STK38: variants seen among roughly 807,000 people sequenced by gnomAD.
STK38 encodes serine/threonine kinase 38.
STK38 carries 26 observed loss-of-function variants against 59.0 expected under a neutral mutation model. The ratio of observed to expected loss-of-function variants is 0.44; its 90% CI spans 0.32 to 0.61. The LOEUF is 0.61. Ranked by LOEUF, STK38 falls within the 20% of genes least tolerant of loss-of-function variation. The pLI is 0.04. For missense variants in STK38, 433 were observed against 566.0 expected (o/e 0.76, Z 2.38); for synonymous variants, 175 against 176.6 (o/e 0.99, Z 0.07).
intron 2 of STK38, among the ~76,000 whole-genome samples, chr6:36,527,255 T>C (rs543297501): frequency 2.1e-5 from 3 of 146,014 alleles, no homozygotes; most frequent in South Asian, 4.2e-4. Flanking sequence ...CATGTATACA[T>C]ATGTATATAT....
At chr6:36,500,491 G>A (rs1462366095) in intron 9 of STK38, among the ~76,000 whole-genome samples, 1 of 152,084 alleles carries the variant, frequency 6.6e-6, no homozygotes, top group Admixed American at 6.6e-5. Flanking sequence ...GCCGGGAGTG[G>A]TGGTTCACGC....
intron 2 of STK38, among the ~76,000 whole-genome samples, chr6:36,534,789 C>T (rs1777747571): frequency 7.1e-6 from 1 of 141,694 alleles, no homozygotes; most frequent in Non-Finnish European, 1.5e-5. Context: ...TCCACTCCCA[C>T]TACTTCTATT....
intron 4 of STK38, among the ~76,000 whole-genome samples, chr6:36,522,876 A>AAAAAAAAAG (rs774099487): frequency 1.4e-3 from 137 of 98,826 alleles, no homozygotes; most frequent in Non-Finnish European, 1.7e-3. Flanking sequence ...AAAAAAAAAA[A>AAAAAAAAAG]AAGAAGAAGA....
chr6:36,511,719 T>C (rs1285503963), intron 7 of STK38, among the ~76,000 whole-genome samples: 5 of 152,064 alleles, frequency 3.3e-5, no homozygotes, highest in African/African-American at 4.8e-5. Context: ...TTTATAGTTC[T>C]CATGATTACA....
intron 1 of STK38, among the ~76,000 whole-genome samples, chr6:36,546,343 G>A (rs1444899668): frequency 6.6e-6 from 1 of 152,172 alleles, no homozygotes; most frequent in Non-Finnish European, 1.5e-5. Context: ...GGAGGAAGCT[G>A]GTATCTAACG....
rs934578377 is a variant in STK38 at position 36,521,606 on chromosome 6, T to C, written c.390+128A>G. The C allele has an allele frequency of 7.5e-6, 4 of 530,814 alleles. No homozygotes were observed. The African/African-American group carries it at 8.0e-5, about 11-fold the overall frequency. The allele number at this position is 530,814 out of a possible 1,614,324, so 32.9% of individuals were successfully genotyped here. A position where few individuals can be genotyped will look rare whatever the true frequency, so the allele number is the denominator to read the frequency against. On this transcript the variant is annotated intron_variant, in intron 5 of 13. Transcript: ENST00000229812. ...TTGTAGGGGGAAAAAGGTAGTATTA[T>C]ATATATAGTCATACATGACAGAGCT...
intron 6 of STK38, among the ~76,000 whole-genome samples, chr6:36,516,528 T>C (rs1777256128): frequency 6.6e-6 from 1 of 152,226 alleles, no homozygotes; most frequent in South Asian, 2.1e-4. Flanking sequence ...AAGTAGCTAT[T>C]TTTCCCTCAG....
At chr6:36,508,091 G>A (rs565059831) in intron 7 of STK38, among the ~76,000 whole-genome samples, 7 of 151,864 alleles carry the variant, frequency 4.6e-5, no homozygotes, top group African/African-American at 7.2e-5. Context: ...GTGCCACCAC[G>A]TCCGACTAAT....
At chr6:36,531,832 C>G (rs1777672961) in intron 2 of STK38, among the ~76,000 whole-genome samples, 2 of 152,148 alleles carry the variant, frequency 1.3e-5, no homozygotes, top group African/African-American at 2.4e-5. Flanking sequence ...ATTCTTTCTT[C>G]TATCTCTGGG....
At chr6:36,501,804 A>T (rs1322019564) in intron 9 of STK38, among the ~76,000 whole-genome samples, 1 of 152,206 alleles carries the variant, frequency 6.6e-6, no homozygotes, top group Non-Finnish European at 1.5e-5. Context: ...CTATACTGTT[A>T]TATAAATTAG....
chr6:36,547,116 T>G, intron 1 of STK38, 74 bp downstream of exon 1: 1 of 151,254 alleles, frequency 6.6e-6, no homozygotes, highest in Admixed American at 6.7e-5. Context: ...CAAGAAGGAG[T>G]CGGAGGTTGG....
At chr6:36,509,338 A>G (rs1777046589) in intron 7 of STK38, among the ~76,000 whole-genome samples, 1 of 152,174 alleles carries the variant, frequency 6.6e-6, no homozygotes, top group Non-Finnish European at 1.5e-5. Context: ...TACCTCCCAG[A>G]CGCAGGCAGG....
Position 36,498,343 on chromosome 6 carries a change from G to T in STK38, c.1076+20C>A. On this transcript the variant is annotated intron_variant, in intron 11 of 13. Transcript: ENST00000229812. ...ATATTAAAAAGCTGAGAAAGAAGGT[G>T]GAGGGATGTTCTCTAATACCTCAAA... 1 of 1,594,446 alleles carries T rather than the reference G, an allele frequency of 6.3e-7. No homozygotes were observed. The highest frequency in any genetic ancestry group is 8.5e-7 in the Non-Finnish European group (1 of 1,175,170).
intron 2 of STK38, among the ~76,000 whole-genome samples, chr6:36,536,727 G>A (rs747571367): frequency 4.6e-5 from 7 of 151,706 alleles, no homozygotes; most frequent in African/African-American, 7.3e-5. Context: ...GTAGAGACGG[G>A]GTTTCTCCAT....
intron 4 of STK38, among the ~76,000 whole-genome samples, chr6:36,523,962 G>T (rs1777447175): frequency 6.6e-6 from 1 of 152,160 alleles, no homozygotes; most frequent in Non-Finnish European, 1.5e-5. Flanking sequence ...GTACTCAATG[G>T]CTGTGTGATA....
intron 10 of STK38, among the ~76,000 whole-genome samples, chr6:36,499,133 A>T (rs571438927): frequency 6.6e-6 from 1 of 152,362 alleles, no homozygotes; most frequent in South Asian, 2.1e-4. Context: ...TGCCCAAAGA[A>T]GAAATGAAAG....
At position 36,496,703 on chromosome 6, in the gene STK38, G is replaced by A. The variant is rs1776712556; in HGVS notation, c.1267+8C>T. On this transcript the variant is annotated splice_region_variant and intron_variant, in intron 13 of 13. Transcript: ENST00000229812. ...TAAGGCAGCAGGAGACAATGCTGGTGGTGTTACCTGTTGGCTTAAGAATAT... is the reference window on the plus strand; with the variant it reads ...TAAGGCAGCAGGAGACAATGCTGGTAGTGTTACCTGTTGGCTTAAGAATAT... 2 of 1,601,588 alleles carry A rather than the reference G, an allele frequency of 1.2e-6. No homozygotes were observed. Among genetic ancestry groups the A allele is most frequent in the Non-Finnish European group, 1.7e-6 (2 of 1,169,428 alleles).
chr6:36,540,077 T>C lies in STK38; in HGVS notation c.126A>G (p.Glu42=), dbSNP rs750077787. The change falls in exon 2 of 14, where the codon GAA becomes GAG. Residue 42 remains glutamate, a synonymous_variant. Coordinates refer to ENST00000229812, the MANE Select transcript of STK38 (RefSeq NM_007271.4). Reference sequence around the variant, plus strand: ...TTTCAAACAAAATTCTTTACCTCATTTCTCGTTCTTCATGTTGAGCGATAA... The same window carrying C: ...TTTCAAACAAAATTCTTTACCTCATCTCTCGTTCTTCATGTTGAGCGATAA... The part of the protein sequence containing the change: ...SNLIAQHEER[E]MRQKKLEKVM... The C allele has an allele frequency of 6.2e-7, 1 of 1,613,828 alleles. No homozygotes were observed. The highest frequency in any genetic ancestry group is 1.7e-5 in the Admixed American group (1 of 59,988).
intron 2 of STK38, 22 bp from the exon 3 acceptor site, chr6:36,525,664 G>T (rs767511540): frequency 3.1e-6 from 5 of 1,600,306 alleles, no homozygotes; most frequent in South Asian, 1.1e-5. Flanking sequence ...AAAAACAAAA[G>T]ACATGAAATC....
Sources: gnomAD v4.1 joint callset for allele counts (sites outside exome capture counted in the v4.1 genomes callset) on GRCh38, gnomAD v4.1.1 for gene constraint, MANE v1.5 for transcripts, NCBI Gene and HGNC (gene_info 2026-07-23, HGNC 2026-07-21) for gene names.